The following CNTN5 variants were observed in gnomAD, a reference collection of about 807,000 sequenced individuals.
The protein encoded by CNTN5 is contactin-5.
Under a neutral mutation model 129.1 loss-of-function variants are expected in CNTN5, and 77 were observed. The observed-to-expected ratio is 0.60, with a 90% CI of 0.50 to 0.72. The LOEUF is 0.72. CNTN5 is among the 30% of genes least tolerant of loss of function. The pLI is 0.00. For missense variants in CNTN5, 1,478 were observed against 1,328.8 expected, an observed-to-expected ratio of 1.11 and a Z score of -1.75; for synonymous variants, 509 against 465.6, an observed-to-expected ratio of 1.09 and a Z score of -1.20.
At chr11:100,080,352 C>T (rs887880391) in intron 13 of CNTN5, among the ~76,000 whole-genome samples, 4 of 152,102 alleles carry the variant, frequency 2.6e-5, no homozygotes, top group Non-Finnish European at 5.9e-5. Context: ...CAAAATCTGA[C>T]ATAATGGCCC....
chr11:99,348,988 G>A (rs1041682628), intron 2 of CNTN5, among the ~76,000 whole-genome samples: 14 of 152,020 alleles, frequency 9.2e-5, no homozygotes, highest in African/African-American at 3.4e-4. Context: ...AGATCCCTAC[G>A]GTCACAAAGC....
intron 1 of CNTN5, among the ~76,000 whole-genome samples, chr11:99,275,030 A>C (rs1863359530): frequency 6.6e-6 from 1 of 151,510 alleles, no homozygotes; most frequent in Non-Finnish European, 1.5e-5. Flanking sequence ...TCTGTATTTA[A>C]GACATAACTT....
At chr11:99,771,752 G>A (rs575788297) in intron 3 of CNTN5, among the ~76,000 whole-genome samples, 5 of 151,994 alleles carry the variant, frequency 3.3e-5, no homozygotes, top group East Asian at 1.9e-4. Flanking sequence ...TAATAATGCC[G>A]TATTGTAAAC....
At chr11:100,182,034 G>A (rs538849872) in intron 13 of CNTN5, among the ~76,000 whole-genome samples, 1 of 152,132 alleles carries the variant, frequency 6.6e-6, no homozygotes, top group South Asian at 2.1e-4. Context: ...AAAGTAAAAG[G>A]ACTTAATCTA....
chr11:99,854,237 C>A (rs376916615), intron 6 of CNTN5, among the ~76,000 whole-genome samples: 1 of 152,164 alleles, frequency 6.6e-6, no homozygotes, highest in East Asian at 1.9e-4. Context: ...ACTATACTCC[C>A]TCTGTATTGC....
At chr11:99,416,662 A>G (rs2135034536) in intron 2 of CNTN5, among the ~76,000 whole-genome samples, 1 of 152,222 alleles carries the variant, frequency 6.6e-6, no homozygotes, top group African/African-American at 2.4e-5. Flanking sequence ...AGACAGTTGT[A>G]GGTAAAGAAA....
intron 1 of CNTN5, among the ~76,000 whole-genome samples, chr11:99,178,363 C>CAG (rs1383747023): frequency 3.4e-4 from 41 of 119,718 alleles, no homozygotes; most frequent in South Asian, 5.2e-4. Flanking sequence ...CACACACACA[C>CAG]ACACAAAATT....
chr11:99,551,999 C>T (rs141815677), intron 2 of CNTN5, among the ~76,000 whole-genome samples: 1 of 151,376 alleles, frequency 6.6e-6, no homozygotes, highest in African/African-American at 2.4e-5. Flanking sequence ...CCTCTGTCTC[C>T]CTGGTTCAAG....
intron 8 of CNTN5, among the ~76,000 whole-genome samples, chr11:100,000,448 C>T (rs1320124421): frequency 1.3e-5 from 2 of 152,222 alleles, no homozygotes; most frequent in South Asian, 2.1e-4. Context: ...TGATAGAAGG[C>T]ATACGCTCCC....
At chr11:99,456,738 T>A (rs960735793) in intron 2 of CNTN5, among the ~76,000 whole-genome samples, 2 of 152,120 alleles carry the variant, frequency 1.3e-5, no homozygotes, top group South Asian at 2.1e-4. Context: ...AAAGCTTCCA[T>A]GGTACTAAAC....
At chr11:100,326,826 C>G (rs1413799193) in intron 21 of CNTN5, among the ~76,000 whole-genome samples, 3 of 152,102 alleles carry the variant, frequency 2.0e-5, no homozygotes, top group African/African-American at 7.2e-5. Context: ...AAGCTGAAAC[C>G]TATCTGAAAA....
intron 13 of CNTN5, among the ~76,000 whole-genome samples, chr11:100,188,996 A>G (rs1186501886): frequency 1.3e-5 from 2 of 152,182 alleles, no homozygotes; most frequent in African/African-American, 4.8e-5. Flanking sequence ...CCAGTGCCAC[A>G]TGTTCTCACT....
intron 1 of CNTN5, among the ~76,000 whole-genome samples, chr11:99,216,803 A>C (rs2135689455): frequency 6.6e-6 from 1 of 152,264 alleles, no homozygotes; most frequent in South Asian, 2.1e-4. Flanking sequence ...GCTTCAGTTC[A>C]GGAAAGGAAA....
chr11:100,245,913 A>G (rs116618359), intron 16 of CNTN5, among the ~76,000 whole-genome samples: 4,274 of 152,216 alleles, frequency 0.028, 88 homozygotes, highest in Middle Eastern at 0.068. Flanking sequence ...AAAAATTAGA[A>G]AATATATAAC....
At position 100,292,439 on chromosome 11, in the gene CNTN5, C is replaced by T. The variant is rs1208998915; in HGVS notation, c.2315-5186C>T. Among the ~76,000 whole-genome samples the T allele has an allele frequency of 4.6e-5, 7 of 152,110 alleles. No homozygotes were observed. The East Asian group carries it at 1.2e-3, about 25-fold the overall frequency. ...TTTCACATTCCTGGGCTGCCAAAATCTAGAATTATAGGATATTCTCAGGAA... is the reference window on the plus strand; with the variant it reads ...TTTCACATTCCTGGGCTGCCAAAATTTAGAATTATAGGATATTCTCAGGAA... On this transcript the variant is annotated intron_variant, in intron 18 of 24. Transcript: ENST00000524871.
intron 2 of CNTN5, among the ~76,000 whole-genome samples, chr11:99,551,535 G>C (rs1398133551): frequency 1.3e-5 from 2 of 152,170 alleles, no homozygotes; most frequent in Non-Finnish European, 2.9e-5. Flanking sequence ...CTAATAAATG[G>C]TAGTTGTTAT....
intron 3 of CNTN5, among the ~76,000 whole-genome samples, chr11:99,704,500 A>G (rs778014334): frequency 6.6e-6 from 1 of 151,204 alleles, no homozygotes; most frequent in Non-Finnish European, 1.5e-5. Context: ...AGATAAAAAT[A>G]TATATGAAAT....
intron 1 of CNTN5, among the ~76,000 whole-genome samples, chr11:99,218,734 T>C (rs888312740): frequency 6.6e-6 from 1 of 152,094 alleles, no homozygotes; most frequent in Non-Finnish European, 1.5e-5. Context: ...CAAGACCTGA[T>C]AGAATAAGAA....
At chr11:100,121,908 G>A (rs1413417927) in intron 13 of CNTN5, among the ~76,000 whole-genome samples, 1 of 151,986 alleles carries the variant, frequency 6.6e-6, no homozygotes, top group Non-Finnish European at 1.5e-5. Flanking sequence ...AGATGAACAG[G>A]GAAGGGGTTT....
Sources: gnomAD v4.1 joint callset for allele counts (sites outside exome capture counted in the v4.1 genomes callset) on GRCh38, gnomAD v4.1.1 for gene constraint, MANE v1.5 for transcripts, NCBI Gene and HGNC (gene_info 2026-07-23, HGNC 2026-07-21) for gene names.